Variants in ANO2 observed in about 807,000 individuals in gnomAD.
ANO2 encodes anoctamin-2.
ANO2 carries 101 observed loss-of-function variants against 124.2 expected under a neutral mutation model. That is an observed-to-expected ratio of 0.81 (90% CI 0.69 to 0.96). The LOEUF is 0.96. Ranked by LOEUF, ANO2 falls within the 40% of genes least tolerant of loss-of-function variation. ANO2 has a pLI of 0.00. For synonymous variants in ANO2, 486 were observed against 482.5 expected (o/e 1.01, Z -0.09); for missense variants, 1,293 against 1,274.5 (o/e 1.01, Z -0.22).
At chr12:5,645,339 A>G (rs1359356558) in intron 15 of ANO2, among the ~76,000 whole-genome samples, 1 of 152,150 alleles carries the variant, frequency 6.6e-6, no homozygotes, top group Non-Finnish European at 1.5e-5. Context: ...CAGTGAGCCA[A>G]GATTGTACCA....
chr12:5,584,139 C>CCCCCCG lies in ANO2; in HGVS notation c.2234-5622_2234-5621insCGGGGG, dbSNP rs1555088598. On this transcript the variant is annotated intron_variant, in intron 20 of 24. Coordinates refer to ENST00000682330, the MANE Select transcript of ANO2 (RefSeq NM_001364791.2). Reference sequence around the variant, plus strand: ...TCCTTAATTTAATGAACACCCCCCCCCCGCCGCAAGAATATTAATGTTGAT... The same window carrying CCCCCCG: ...TCCTTAATTTAATGAACACCCCCCCCCCCCCGCCGCCGCAAGAATATTAATGTTGAT... 212 of 161,926 alleles carry CCCCCCG rather than the reference C, an allele frequency of 1.3e-3. 2 individuals carry two copies. Among genetic ancestry groups the CCCCCCG allele is most frequent in the African/African-American group, 4.7e-3 (180 of 38,020 alleles). The allele number at this position is 161,926 out of a possible 1,614,324, so 10.0% of individuals were successfully genotyped here.
At chr12:5,659,368 C>T (rs896218697) in intron 14 of ANO2, among the ~76,000 whole-genome samples, 1 of 152,170 alleles carries the variant, frequency 6.6e-6, no homozygotes, top group African/African-American at 2.4e-5. Context: ...AATGGTCTTG[C>T]TCCCCACAGC....
At position 5,798,520 on chromosome 12, in the gene ANO2, C is replaced by T. The variant is rs552917014; in HGVS notation, c.1055+987G>A. Among the ~76,000 whole-genome samples the T allele has an allele frequency of 2.0e-5, 3 of 152,296 alleles. No homozygotes were observed. The South Asian group carries it at 6.2e-4, about 32-fold the overall frequency. On this transcript the variant is annotated intron_variant, in intron 10 of 24. Transcript: ENST00000682330. Reference sequence around the variant, plus strand: ...CACAATCCCAGCCCAGGGCAACCAGCCAGGAACACGCTCTATTCTCAGGCT... The same window carrying T: ...CACAATCCCAGCCCAGGGCAACCAGTCAGGAACACGCTCTATTCTCAGGCT...
chr12:5,838,602 C>G (rs1380846340), intron 4 of ANO2, among the ~76,000 whole-genome samples: 2 of 152,188 alleles, frequency 1.3e-5, no homozygotes, highest in African/African-American at 2.4e-5. Context: ...CTTCCCTCCT[C>G]TCCCGCCTGG....
chr12:5,817,448 G>A (rs1242458524), intron 7 of ANO2, among the ~76,000 whole-genome samples: 2 of 152,196 alleles, frequency 1.3e-5, no homozygotes, highest in African/African-American at 4.8e-5. Context: ...AGATGACTCA[G>A]AAATATCTCA....
intron 23 of ANO2, 34 bp from the exon 24 acceptor site, chr12:5,565,697 A>T (rs774724968): frequency 2.0e-6 from 3 of 1,519,152 alleles, no homozygotes; most frequent in African/African-American, 1.4e-5. Context: ...TAAGATCAGG[A>T]GCGCATGGAG....
intron 14 of ANO2, among the ~76,000 whole-genome samples, chr12:5,719,889 T>C (rs1174804251): frequency 1.3e-5 from 2 of 152,160 alleles, no homozygotes; most frequent in Non-Finnish European, 2.9e-5. Flanking sequence ...TGGGCTGCCT[T>C]CCCTTGTCTC....
chr12:5,943,371 A>C (rs1161134923), intron 1 of ANO2, among the ~76,000 whole-genome samples: 2 of 152,010 alleles, frequency 1.3e-5, no homozygotes, highest in African/African-American at 4.8e-5. Flanking sequence ...AATTGGATGG[A>C]GCTAGAGGCC....
intron 3 of ANO2, among the ~76,000 whole-genome samples, chr12:5,916,492 T>TAAAAAAAAAAAAA (rs57056611): frequency 1.1e-5 from 1 of 93,158 alleles, no homozygotes; most frequent in Non-Finnish European, 2.0e-5. Context: ...CGCAGCAGGT[T>TAAAAAAAAAAAAA]AAAAAAAAAA....
At chr12:5,913,949 G>A (rs979864111) in intron 3 of ANO2, among the ~76,000 whole-genome samples, 1 of 152,188 alleles carries the variant, frequency 6.6e-6, no homozygotes, top group Non-Finnish European at 1.5e-5. Context: ...TTTTAAGAAA[G>A]TGAAGCCTTT....
chr12:5,690,141 TC>T (rs1377701357), intron 14 of ANO2, among the ~76,000 whole-genome samples: 4 of 152,058 alleles, frequency 2.6e-5, no homozygotes, highest in African/African-American at 9.7e-5. Context: ...ATGAAGTCAC[TC>T]CCTAATACAG....
chr12:5,586,600 T>A (rs1193240423), intron 20 of ANO2, among the ~76,000 whole-genome samples: 2 of 152,168 alleles, frequency 1.3e-5, no homozygotes, highest in Non-Finnish European at 2.9e-5. Flanking sequence ...GTCTTTACCA[T>A]CCATGACCAA....
chr12:5,840,335 C>G (rs1270795820), intron 4 of ANO2, among the ~76,000 whole-genome samples: 1 of 152,104 alleles, frequency 6.6e-6, no homozygotes, highest in Non-Finnish European at 1.5e-5. Flanking sequence ...TTTCTTACTT[C>G]TTTTTTCCTT....
intron 3 of ANO2, among the ~76,000 whole-genome samples, chr12:5,873,437 A>C (rs373271119): frequency 1.1e-4 from 16 of 151,496 alleles, no homozygotes; most frequent in South Asian, 6.3e-4. Flanking sequence ...CTCACTTCAC[A>C]CTCTATGCCC....
chr12:5,823,150 T>A (rs1306570012), intron 7 of ANO2, among the ~76,000 whole-genome samples: 1 of 152,130 alleles, frequency 6.6e-6, no homozygotes, highest in Non-Finnish European at 1.5e-5. Flanking sequence ...AAATCTCATG[T>A]CCTCACATTT....
intron 7 of ANO2, among the ~76,000 whole-genome samples, chr12:5,820,662 A>G (rs1953765798): frequency 1.3e-5 from 2 of 152,222 alleles, no homozygotes; most frequent in Non-Finnish European, 2.9e-5. Flanking sequence ...GCATCCCTGG[A>G]GGGTGTGCAG....
At chr12:5,821,513 T>A (rs1953797474) in intron 7 of ANO2, among the ~76,000 whole-genome samples, 1 of 152,228 alleles carries the variant, frequency 6.6e-6, no homozygotes, top group African/African-American at 2.4e-5. Context: ...TTGGGTCACA[T>A]GACCCAGCAG....
At chr12:5,677,557 G>A (rs1320077517) in intron 14 of ANO2, among the ~76,000 whole-genome samples, 6 of 152,238 alleles carry the variant, frequency 3.9e-5, no homozygotes, top group African/African-American at 1.4e-4. Context: ...GATGAGTTGG[G>A]AAACTTCTCT....
rs1013423525 is a variant in ANO2, at chr12:5,925,588, G to A, written c.23-2784C>T. ...CCTCAGGAAGGGGAAGGGTGAGGCA[G>A]GTGAGCACACACCTTGAGAACTCCC... On this transcript the variant is annotated intron_variant, in intron 1 of 24. Coordinates refer to ENST00000682330, the MANE Select transcript of ANO2 (RefSeq NM_001364791.2). The surrounding 1 kb of genome is among the most constrained non-coding windows in gnomAD (Gnocchi z 4.6). Among the ~76,000 whole-genome samples, 5 of 152,214 alleles carry A rather than the reference G, an allele frequency of 3.3e-5. No individual in the cohort carries two copies. The highest frequency in any genetic ancestry group is 1.2e-4 in the African/African-American group (5 of 41,464).
Sources: allele counts gnomAD v4.1 joint callset (sites outside exome capture counted in the v4.1 genomes callset), GRCh38; gene constraint gnomAD v4.1.1; non-coding constraint Gnocchi (gnomAD v3.1); transcripts MANE v1.5; gene names NCBI Gene and HGNC (gene_info 2026-07-23, HGNC 2026-07-21).